The following SLC47A2 variants were observed in gnomAD, a reference collection of about 807,000 sequenced individuals.
SLC47A2 encodes the protein solute carrier family 47 member 2.
In SLC47A2, 52 loss-of-function variants were observed where a neutral mutation model predicts 67.7. That is an observed-to-expected ratio of 0.77 (90% CI 0.61 to 0.97). The LOEUF is 0.97. Among genes scored for constraint, SLC47A2 ranks in the 50% least tolerant of loss-of-function variants. The pLI is 0.00. For missense variants in SLC47A2, 676 were observed against 712.3 expected, an observed-to-expected ratio of 0.95 and a Z score of 0.58; for synonymous variants, 278 against 292.9, an observed-to-expected ratio of 0.95 and a Z score of 0.52.
At chr17:19,716,595 C>T, upstream of SLC47A2, 1 of 1,543,168 alleles carries the variant, frequency 6.5e-7, no homozygotes, top group South Asian at 1.2e-5. Context: ...GCCTGAGCGC[C>T]TGCACGGCCA....
Position 19,713,878 on chromosome 17 carries a change from G to A in SLC47A2, c.390C>T (p.Phe130=). The stretch of plus-strand genomic sequence containing the variant: ...GCAGCAGGATGTGCTGGGTGTTGAG[G>A]AAGAGCGCCCAGCAAGGGAGGCAGC... ...LLCCLPCWAL[F]LNTQHILLLF... Residue 130 remains phenylalanine (F), a synonymous_variant, in exon 4 of 17, where the codon TTC becomes TTT. Coordinates refer to ENST00000433844, the MANE Select transcript of SLC47A2 (RefSeq NM_001099646.3). 6.2e-7 allele frequency: 1 copy of A among 1,613,804 alleles called. No homozygotes were observed. Among genetic ancestry groups the A allele is most frequent in the South Asian group, 1.1e-5 (1 of 91,074 alleles).
chr17:19,708,596 A>T (rs1266055238), intron 6 of SLC47A2, 120 bp downstream of exon 6: 1 of 1,592,356 alleles, frequency 6.3e-7, no homozygotes, highest in Non-Finnish European at 8.6e-7. Context: ...GTTGGAAGTG[A>T]CCCCTTTCAA....
Position 19,712,758 on chromosome 17 carries a change from G to A in SLC47A2, c.444-13C>T, listed in dbSNP as rs1439801038. The A allele has an allele frequency of 1.2e-6, 2 of 1,611,708 alleles. No homozygotes were observed. Among genetic ancestry groups the A allele is most frequent in the Non-Finnish European group, 1.7e-6 (2 of 1,179,224 alleles). The stretch of plus-strand genomic sequence containing the variant: ...GTCCTGGGTCAACCTGCAAGAGAGG[G>A]AGAAGCTCCGGAGCTGACCAGGCTG... On this transcript the variant is annotated splice_polypyrimidine_tract_variant and intron_variant, in intron 4 of 16. Transcript: ENST00000433844.
At chr17:19,706,795 C>A (rs761297104) in intron 8 of SLC47A2, 34 bp from the exon 9 acceptor site, 1 of 1,528,280 alleles carries the variant, frequency 6.5e-7, no homozygotes, top group Non-Finnish European at 8.9e-7. Flanking sequence ...TGACAGCCTG[C>A]CCTGCTTGCC....
chr17:19,701,906 T>C lies in SLC47A2; in HGVS notation c.1164+699A>G, dbSNP rs1393026151. On this transcript the variant is annotated intron_variant, in intron 13 of 16. Coordinates refer to ENST00000433844, the MANE Select transcript of SLC47A2 (RefSeq NM_001099646.3). Reference sequence around the variant, plus strand: ...CGTTGGAAGGCCCACCAGGAGAGGATTCCACCTATCATAGTGTGACCCTGT... The same window carrying C: ...CGTTGGAAGGCCCACCAGGAGAGGACTCCACCTATCATAGTGTGACCCTGT... 2.0e-5 allele frequency among the ~76,000 whole-genome samples: 3 copies of C among 152,204 alleles called. No individual in the cohort carries two copies. In the East Asian group the frequency reaches 5.8e-4, roughly 30 times the overall value.
At chr17:19,684,488 A>G (rs1394056082) in intron 13 of SLC47A2, among the ~76,000 whole-genome samples, 2 of 152,136 alleles carry the variant, frequency 1.3e-5, no homozygotes, top group Non-Finnish European at 2.9e-5. Context: ...TCTCGAATCA[A>G]TGACCTACTA....
At position 19,685,252 on chromosome 17, in the gene SLC47A2, T is replaced by G. The variant is rs1020722754; in HGVS notation, c.1165-3582A>C. 1.9e-4 allele frequency among the ~76,000 whole-genome samples: 29 copies of G among 152,174 alleles called. No homozygotes were observed. The highest frequency in any genetic ancestry group is 3.4e-3 in the Middle Eastern group (1 of 294). On this transcript the variant is annotated intron_variant, in intron 13 of 16. Transcript: ENST00000433844. This position sits in a 1 kb window ranked among gnomAD's most constrained non-coding sequence, Gnocchi z 4.5. ...CCCAAAGTGCTAAGATTACAGCCTCTGCCCGCCCGCCACCCCATCTAGGAA... is the reference window on the plus strand; with the variant it reads ...CCCAAAGTGCTAAGATTACAGCCTCGGCCCGCCCGCCACCCCATCTAGGAA...
intron 13 of SLC47A2, among the ~76,000 whole-genome samples, chr17:19,684,345 A>G (rs2085375047): frequency 6.6e-6 from 1 of 152,216 alleles, no homozygotes; most frequent in Non-Finnish European, 1.5e-5. Context: ...TCAAAGAATA[A>G]ATCACATGAG....
At chr17:19,716,736 C>T, upstream of SLC47A2, 1 of 922,850 alleles carries the variant, frequency 1.1e-6, no homozygotes, top group Non-Finnish European at 1.5e-6. Context: ...GCACTGAGTC[C>T]CTGCTGCCAA....
rs1485469832 is a variant in SLC47A2, at chr17:19,685,377, GC to G, written c.1165-3708del. ...AAGTGAGGCGCGCCTCTGCCTGGCT[GC>G]CACCACGTCTAGGAAGTGAGGAGCG... On this transcript the variant is annotated intron_variant, in intron 13 of 16. Coordinates refer to ENST00000433844, the MANE Select transcript of SLC47A2 (RefSeq NM_001099646.3). This position sits in a 1 kb window ranked among gnomAD's most constrained non-coding sequence, Gnocchi z 4.5. 6.6e-6 allele frequency among the ~76,000 whole-genome samples: 1 copy of G among 152,042 alleles called. No individual in the cohort carries two copies. The highest frequency in any genetic ancestry group is 1.5e-5 in the Non-Finnish European group (1 of 68,000).
At chr17:19,704,031 C>T (rs771566801) in intron 11 of SLC47A2, 39 bp downstream of exon 11, 17 of 1,521,526 alleles carry the variant, frequency 1.1e-5, no homozygotes, top group Non-Finnish European at 1.8e-6. Context: ...GTGACTCAGG[C>T]CAACGTTTGA....
At chr17:19,705,232 A>G in intron 10 of SLC47A2, 1 of 496,174 alleles carries the variant, frequency 2.0e-6, no homozygotes, top group Non-Finnish European at 3.5e-6. Context: ...TGAGTGAAAT[A>G]TCACCCTTGG....
chr17:19,707,687 G>T, intron 8 of SLC47A2, 59 bp downstream of exon 8: 2 of 1,451,256 alleles, frequency 1.4e-6, no homozygotes, highest in Non-Finnish European at 1.9e-6. Context: ...CCTGCCCCAA[G>T]GCTAGGGCAG....
intron 13 of SLC47A2, 41 bp downstream of exon 13, chr17:19,702,564 A>G (rs372273261): frequency 1.2e-6 from 2 of 1,610,592 alleles, no homozygotes; most frequent in African/African-American, 1.3e-5. Context: ...TACATAAATC[A>G]TGTCCCAGGG....
chr17:19,707,677 C>T, intron 8 of SLC47A2, 69 bp downstream of exon 8: 1 of 1,382,220 alleles, frequency 7.2e-7, no homozygotes, highest in Non-Finnish European at 1.0e-6. Context: ...TGCTGACCAC[C>T]CTGCCCCAAG....
chr17:19,700,292 C>T (rs2085754453), intron 13 of SLC47A2, among the ~76,000 whole-genome samples: 1 of 152,236 alleles, frequency 6.6e-6, no homozygotes, highest in Non-Finnish European at 1.5e-5. Flanking sequence ...AAATAAGGCT[C>T]ATGGAAAATG....
rs756053883 is a variant in SLC47A2, at chr17:19,707,743, C to G, written c.727+3G>C. The G allele has an allele frequency of 1.3e-6, 2 of 1,582,062 alleles. No individual in the cohort carries two copies. The highest frequency in any genetic ancestry group is 2.3e-5 in the South Asian group (2 of 86,236). On this transcript the variant is annotated splice_donor_region_variant and intron_variant, in intron 8 of 16. Coordinates refer to ENST00000433844, the MANE Select transcript of SLC47A2 (RefSeq NM_001099646.3). ...GCCTCCCAGAGCAGGCCAGGCCTCC[C>G]ACCTGCCCACGTCTCCAGGTGCAGC...
At chr17:19,690,476 T>C (rs935525949) in intron 13 of SLC47A2, among the ~76,000 whole-genome samples, 3 of 151,700 alleles carry the variant, frequency 2.0e-5, no homozygotes, top group Non-Finnish European at 4.4e-5. Context: ...ATCAACAAAG[T>C]GAAGAAACCA....
intron 9 of SLC47A2, among the ~76,000 whole-genome samples, chr17:19,705,837 G>A (rs1261141925): frequency 1.3e-5 from 2 of 152,178 alleles, no homozygotes; most frequent in African/African-American, 4.8e-5. Flanking sequence ...GGCCTCAAGT[G>A]ATCCACCCAC....
Sources: gnomAD v4.1 joint callset for allele counts (sites outside exome capture counted in the v4.1 genomes callset) on GRCh38, gnomAD v4.1.1 for gene constraint, Gnocchi (gnomAD v3.1) non-coding constraint, MANE v1.5 for transcripts, NCBI Gene and HGNC (gene_info 2026-07-23, HGNC 2026-07-21) for gene names.